PTPRT: variants seen among roughly 807,000 people sequenced by gnomAD.
The protein encoded by PTPRT is protein tyrosine phosphatase receptor type T.
Under a neutral mutation model 176.8 loss-of-function variants are expected in PTPRT, and 56 were observed. The observed-to-expected ratio is 0.32, with a 90% CI of 0.26 to 0.40. The LOEUF is 0.40. PTPRT is among the 10% of genes least tolerant of loss of function. The probability of loss-of-function intolerance (pLI) is 1.00; values close to 1 mark genes in which losing one functional copy is unlikely to be tolerated. For synonymous variants in PTPRT, 783 were observed against 739.0 expected (o/e 1.06, Z -0.96); for missense variants, 1,540 against 1,908.2 (o/e 0.81, Z 3.60).
intron 7 of PTPRT, among the ~76,000 whole-genome samples, chr20:42,603,860 C>A (rs1286426579): frequency 6.6e-6 from 1 of 152,202 alleles, no homozygotes; most frequent in Non-Finnish European, 1.5e-5. Context: ...ACTCTCCACC[C>A]ACCTTCCAGA....
intron 12 of PTPRT, among the ~76,000 whole-genome samples, chr20:42,290,000 C>G (rs1020087763): frequency 5.3e-5 from 8 of 151,988 alleles, no homozygotes; most frequent in African/African-American, 1.9e-4. Context: ...CTAAGTCACT[C>G]TCTTGACCTT....
chr20:42,542,567 A>G (rs2072603122), intron 7 of PTPRT, among the ~76,000 whole-genome samples: 1 of 152,180 alleles, frequency 6.6e-6, no homozygotes, highest in Non-Finnish European at 1.5e-5. Context: ...TAATTCTGTA[A>G]GAGCTGAGAC....
At chr20:42,661,254 T>A (rs1019945143) in intron 7 of PTPRT, among the ~76,000 whole-genome samples, 1 of 152,336 alleles carries the variant, frequency 6.6e-6, no homozygotes, top group East Asian at 1.9e-4. Flanking sequence ...AGGGCAATGA[T>A]GAGTTAACTA....
chr20:43,169,695 G>A (rs544567226), intron 1 of PTPRT, among the ~76,000 whole-genome samples: 3 of 151,820 alleles, frequency 2.0e-5, no homozygotes, highest in Admixed American at 1.3e-4. Flanking sequence ...AACCACTACC[G>A]TAAACCAATA....
chr20:42,430,150 G>A (rs2059202997), intron 9 of PTPRT, among the ~76,000 whole-genome samples: 2 of 152,184 alleles, frequency 1.3e-5, no homozygotes, highest in Admixed American at 6.5e-5. Flanking sequence ...CATGAGCAAG[G>A]TCCCCACGGT....
chr20:42,260,297 C>G (rs946397631), intron 13 of PTPRT, among the ~76,000 whole-genome samples: 1 of 152,162 alleles, frequency 6.6e-6, no homozygotes, highest in Non-Finnish European at 1.5e-5. Context: ...CCTGCTGATG[C>G]GGATGAAGAG....
intron 7 of PTPRT, among the ~76,000 whole-genome samples, chr20:42,593,933 T>C (rs950216414): frequency 1.3e-5 from 2 of 152,168 alleles, no homozygotes; most frequent in African/African-American, 4.8e-5. Flanking sequence ...AGCAGGTCTA[T>C]GGTTCAGAGA....
At position 42,126,602 on chromosome 20, in the gene PTPRT, T is replaced by C. The variant is rs533363917; in HGVS notation, c.2847+2152A>G. ...ATCACCTCCTCCAGGGAGCCTTCACTGGCTACTTCCCTTTCCCACCAACTT... is the reference window on the plus strand; with the variant it reads ...ATCACCTCCTCCAGGGAGCCTTCACCGGCTACTTCCCTTTCCCACCAACTT... On this transcript the variant is annotated intron_variant, in intron 19 of 30. Transcript: ENST00000373187. 7.9e-5 allele frequency among the ~76,000 whole-genome samples: 12 copies of C among 152,346 alleles called. No homozygotes were observed. The South Asian group carries it at 2.3e-3, about 29-fold the overall frequency.
chr20:42,197,466 G>A (rs1468858892), intron 16 of PTPRT, among the ~76,000 whole-genome samples: 2 of 148,512 alleles, frequency 1.3e-5, no homozygotes, highest in Admixed American at 6.8e-5. Flanking sequence ...GATAAAGACA[G>A]CTGAAAACCA....
intron 1 of PTPRT, among the ~76,000 whole-genome samples, chr20:43,048,325 TG>T (rs985902051): frequency 3.9e-5 from 6 of 152,154 alleles, no homozygotes; most frequent in African/African-American, 1.4e-4. Flanking sequence ...GAGCCCTGGC[TG>T]GGGAGACTGT....
At chr20:42,586,973 T>G (rs1182532683) in intron 7 of PTPRT, among the ~76,000 whole-genome samples, 1 of 152,144 alleles carries the variant, frequency 6.6e-6, no homozygotes, top group East Asian at 1.9e-4. Flanking sequence ...AATGCCCTGA[T>G]GGACCCCATG....
intron 7 of PTPRT, among the ~76,000 whole-genome samples, chr20:42,634,064 A>T (rs1222120412): frequency 5.8e-4 from 23 of 39,344 alleles, no homozygotes; most frequent in African/African-American, 2.6e-3. Flanking sequence ...ATAAATATAT[A>T]ATATATATAT....
At chr20:42,329,287 A>G (rs2057930259) in intron 11 of PTPRT, among the ~76,000 whole-genome samples, 2 of 152,214 alleles carry the variant, frequency 1.3e-5, no homozygotes, top group Admixed American at 1.3e-4. Flanking sequence ...AGAATATGAT[A>G]AAGGGATTTA....
intron 1 of PTPRT, among the ~76,000 whole-genome samples, chr20:42,940,636 A>G (rs754656308): frequency 2.0e-5 from 3 of 152,160 alleles, no homozygotes; most frequent in Non-Finnish European, 4.4e-5. Flanking sequence ...AAAAGAAAAA[A>G]AGCTCACACC....
chr20:42,035,057 C>T, the PTPRT span, among the ~76,000 whole-genome samples: 15 of 152,144 alleles, frequency 9.9e-5, no homozygotes, highest in Middle Eastern at 6.8e-3. Flanking sequence ...TCCCACTATC[C>T]AGATATTACA....
chr20:42,413,811 C>T (rs1300167691), intron 9 of PTPRT, among the ~76,000 whole-genome samples: 1 of 152,136 alleles, frequency 6.6e-6, no homozygotes, highest in Non-Finnish European at 1.5e-5. Flanking sequence ...GATATGTCAC[C>T]TTCCTACCAG....
At chr20:42,980,920 G>C (rs150442283) in intron 1 of PTPRT, among the ~76,000 whole-genome samples, 3 of 152,322 alleles carry the variant, frequency 2.0e-5, no homozygotes, top group Admixed American at 1.3e-4. Flanking sequence ...TTGAAGGAGA[G>C]AGCGTCCCTA....
intron 7 of PTPRT, among the ~76,000 whole-genome samples, chr20:42,600,630 G>C (rs2073762929): frequency 1.3e-5 from 2 of 152,158 alleles, no homozygotes; most frequent in South Asian, 4.1e-4. Flanking sequence ...CTACCTTTTA[G>C]GGTTTCCAAT....
intron 15 of PTPRT, among the ~76,000 whole-genome samples, chr20:42,212,023 C>CCA (rs1555802421): frequency 6.9e-6 from 1 of 144,412 alleles, no homozygotes. Flanking sequence ...TGGAAAACAT[C>CCA]ATTCTCAGTA....
Sources: gnomAD v4.1 joint callset for allele counts (sites outside exome capture counted in the v4.1 genomes callset) on GRCh38, gnomAD v4.1.1 for gene constraint, MANE v1.5 for transcripts, NCBI Gene and HGNC (gene_info 2026-07-23, HGNC 2026-07-21) for gene names.